Variants in SPATA20 observed in about 807,000 individuals in gnomAD.
SPATA20 encodes the protein spermatogenesis associated 20, also known as spermatogenesis-associated protein 20.
In SPATA20, 74 loss-of-function variants were observed where a neutral mutation model predicts 98.9. The observed-to-expected ratio is 0.75, with a 90% CI of 0.62 to 0.91. The LOEUF (loss-of-function observed/expected upper bound fraction) is 0.91. SPATA20 is among the 40% of genes least tolerant of loss of function. SPATA20 has a pLI of 0.00. For synonymous variants in SPATA20, 430 were observed against 440.5 expected, an observed-to-expected ratio of 0.98 and a Z score of 0.30; for missense variants, 1,016 against 1,069.8, an observed-to-expected ratio of 0.95 and a Z score of 0.70.
intron 14 of SPATA20, 85 bp downstream of exon 14, chr17:50,552,265 C>G: frequency 8.6e-7 from 1 of 1,164,542 alleles, no homozygotes; most frequent in Non-Finnish European, 1.2e-6. Context: ...AGGAGCCCTC[C>G]TGGCTTTGTG....
chr17:50,549,165 G>A lies in SPATA20; in HGVS notation c.639G>A (p.Val213=), dbSNP rs937222893. The A allele has an allele frequency of 1.4e-5, 23 of 1,602,078 alleles. No homozygotes were observed. The Admixed American group carries it at 1.7e-4, about 12-fold the overall frequency. The change falls in exon 6 of 17, where the codon GTG becomes GTA. Residue 213 remains valine, a synonymous_variant. Coordinates refer to ENST00000006658, the MANE Select transcript of SPATA20 (RefSeq NM_022827.4). The part of the protein sequence containing the change: ...DGLTRVGFRT[V]LLRIREQWKQ... ...TGACCCGAGTCGGCTTCCGCACAGT[G>A]TTGCTGAGAATACGAGAACAGGTGG...
At position 50,547,234 on chromosome 17, in the gene SPATA20, G is replaced by C. The variant is rs2034927061; in HGVS notation, c.26G>C (p.Gly9Ala). 1 of 1,410,154 alleles carries C rather than the reference G, an allele frequency of 7.1e-7. No individual in the cohort carries two copies. Among genetic ancestry groups the C allele is most frequent in the African/African-American group, 1.5e-5 (1 of 65,822 alleles). 87.4% of individuals were successfully genotyped at this position (1,410,154 alleles called of 1,614,324 possible). The change falls in exon 1 of 17, where the codon GGC becomes GCC. Residue 9 changes from glycine to alanine, a missense_variant. By Grantham distance (60) the Gly-to-Ala change is moderately conservative. Transcript: ENST00000006658. ...ATGCTGGGCGCGCGGGCCTGGTTGG[G>C]CCGCGTCCTTCTGCTGCCCCGCGCC... MLGARAWL[G>A]RVLLLPRAGA...
At chr17:50,548,227 C>A in intron 2 of SPATA20, 56 bp from the exon 3 acceptor site, 1 of 1,585,960 alleles carries the variant, frequency 6.3e-7, no homozygotes, top group Non-Finnish European at 8.6e-7. Flanking sequence ...TGCTGGGGGG[C>A]CTGGGAGAAG....
Position 50,549,325 on chromosome 17 carries a change from C to G in SPATA20, c.700C>G (p.Arg234Gly). The G allele has an allele frequency of 6.2e-7, 1 of 1,612,506 alleles. No individual in the cohort carries two copies. The highest frequency in any genetic ancestry group is 8.5e-7 in the Non-Finnish European group (1 of 1,179,898). ...GAACACCCTGCTAGAAAATAGCCAGCGTGTCACCACTGCCCTGCTGGCCCG... is the reference window on the plus strand; with the variant it reads ...GAACACCCTGCTAGAAAATAGCCAGGGTGTCACCACTGCCCTGCTGGCCCG... The part of the protein sequence containing the change: ...NKNTLLENSQ[R>G]VTTALLARSE... The change falls in exon 7 of 17, where the codon CGT (arginine) becomes GGT (glycine). Residue 234 changes from arginine (R) to glycine (G), a missense_variant. Transcript: ENST00000006658.
Position 50,549,045 on chromosome 17 carries a change from C to G in SPATA20, c.519C>G (p.Ala173=). 6.2e-7 allele frequency: 1 copy of G among 1,613,782 alleles called. No homozygotes were observed. Among genetic ancestry groups the G allele is most frequent in the South Asian group, 1.1e-5 (1 of 91,074 alleles). Residue 173 remains alanine, a splice_region_variant and synonymous_variant, in exon 6 of 17, where the codon GCC becomes GCG. Coordinates refer to ENST00000006658, the MANE Select transcript of SPATA20 (RefSeq NM_022827.4). ...VDKVYMTFVQ[A]TSSGGGWPMN... Reference sequence around the variant, plus strand: ...CACCCTCGCCCTCTCTCCGCCAGGCCACCAGCAGCGGCGGGGGCTGGCCCA... The same window carrying G: ...CACCCTCGCCCTCTCTCCGCCAGGCGACCAGCAGCGGCGGGGGCTGGCCCA...
Position 50,555,518 on chromosome 17 carries a change from C to T in SPATA20, c.2265C>T (p.Pro755=), listed in dbSNP as rs199989642. The change falls in exon 17 of 17, where the codon CCC becomes CCT. Residue 755 remains proline, a synonymous_variant. Transcript: ENST00000006658. ...TGCTGATTCTGGCTGATGGGGACCC[C>T]TCGAGCTTCCTGTCCCGCCAGCTGC... ...NKVLILADGD[P]SSFLSRQLPF... is the part of the protein sequence containing the mutation. 5.9e-5 allele frequency: 95 copies of T among 1,614,062 alleles called. No individual in the cohort carries two copies. In the East Asian group the frequency reaches 1.5e-3, roughly 26 times the overall value.
At chr17:50,549,249 C>T (rs371334659) in intron 6 of SPATA20, 37 bp from the exon 7 acceptor site, 19 of 1,602,554 alleles carry the variant, frequency 1.2e-5, no homozygotes, top group African/African-American at 4.0e-5. Flanking sequence ...AGCCCCTCCC[C>T]CTAGCTGACC....
In SPATA20 at chr17:50,554,233, C is replaced by T. The variant is rs747256479; in HGVS notation, c.1958-18C>T. The T allele has an allele frequency of 6.2e-7, 1 of 1,612,788 alleles. No homozygotes were observed. Among genetic ancestry groups the T allele is most frequent in the South Asian group, 1.1e-5 (1 of 91,056 alleles). The stretch of plus-strand genomic sequence containing the variant: ...GACCTGCCCTTACCCCCACCCCCTG[C>T]CTCCCTATGTGCTGTAGACCAGGAT... On this transcript the variant is annotated intron_variant, in intron 14 of 16. Transcript: ENST00000006658.
At chr17:50,554,833 C>T (rs2035077092) in intron 15 of SPATA20, among the ~76,000 whole-genome samples, 1 of 149,306 alleles carries the variant, frequency 6.7e-6, no homozygotes, top group East Asian at 2.0e-4. Flanking sequence ...TGCCTGCATG[C>T]GTGTGTGTCT....
chr17:50,553,636 C>T (rs1213970632), intron 14 of SPATA20, among the ~76,000 whole-genome samples: 2 of 150,976 alleles, frequency 1.3e-5, no homozygotes, highest in South Asian at 2.1e-4. Context: ...GCCTCGGCTT[C>T]CCAGGTGCTG....
At chr17:50,551,715 C>A in intron 13 of SPATA20, 36 bp downstream of exon 13, 1 of 1,566,720 alleles carries the variant, frequency 6.4e-7, no homozygotes. Context: ...GCCCGTCTCC[C>A]CAACGCGTCC....
rs3062812 is a variant in SPATA20 at position 50,554,885 on chromosome 17, CTGTGTGTG to C, written c.2158-310_2158-303del. Among the ~76,000 whole-genome samples, 1,377 of 141,510 alleles carry C rather than the reference CTGTGTGTG, an allele frequency of 9.7e-3. 16 individuals carry two copies. The highest frequency in any genetic ancestry group is 0.029 in the African/African-American group (1,165 of 39,642). The allele number at this position is 141,510 out of a possible 152,430, so 92.8% of individuals were successfully genotyped here. On this transcript the variant is annotated intron_variant, in intron 15 of 16. Coordinates refer to ENST00000006658, the MANE Select transcript of SPATA20 (RefSeq NM_022827.4). ...GTATCTGCCTCTGTGTGGGCATCTA[CTGTGTGTG>C]TGTGTGTGTGTGTGTGTGTGTGTGT...
chr17:50,550,650 G>A (rs751800559), intron 10 of SPATA20, 40 bp downstream of exon 10: 17 of 1,613,164 alleles, frequency 1.1e-5, no homozygotes, highest in Non-Finnish European at 1.4e-5. Context: ...GCTGTGGGAG[G>A]GGTTGGGGCC....
Position 50,549,975 on chromosome 17 carries a change from GCC to G in SPATA20, c.863-6_863-5del. The G allele has an allele frequency of 6.5e-7, 1 of 1,530,004 alleles. No individual in the cohort carries two copies. Among genetic ancestry groups the G allele is most frequent in the South Asian group, 1.3e-5 (1 of 79,092 alleles). 94.8% of individuals were successfully genotyped at this position (1,530,004 alleles called of 1,614,324 possible). On this transcript the variant is annotated splice_polypyrimidine_tract_variant and splice_region_variant and intron_variant, in intron 7 of 16. Coordinates refer to ENST00000006658, the MANE Select transcript of SPATA20 (RefSeq NM_022827.4). ...ATTCTCTCACCTGCATGTTCTTGGT[GCC>G]CCCACAGTGATCCTGAGCTTCCTGT... is the stretch of plus-strand genomic sequence containing the variant.
At chr17:50,554,180 A>G (rs2035056936) in intron 14 of SPATA20, 71 bp from the exon 15 acceptor site, 1 of 1,419,844 alleles carries the variant, frequency 7.0e-7, no homozygotes, top group Non-Finnish European at 9.8e-7. Flanking sequence ...CCCTGGATAC[A>G]GTCCTGGGCA....
At chr17:50,552,901 G>C (rs1364784575) in intron 14 of SPATA20, among the ~76,000 whole-genome samples, 1 of 152,146 alleles carries the variant, frequency 6.6e-6, no homozygotes, top group African/African-American at 2.4e-5. Context: ...TACCTTACAG[G>C]GTTGATGTAA....
intron 14 of SPATA20, 28 bp from the exon 15 acceptor site, chr17:50,554,223 C>T: frequency 1.2e-6 from 2 of 1,610,304 alleles, no homozygotes; most frequent in Non-Finnish European, 1.7e-6. Flanking sequence ...GCCCTTACCC[C>T]CACCCCCTGC....
Position 50,548,318 on chromosome 17 carries a change from C to T in SPATA20, c.161C>T (p.Thr54Met), listed in dbSNP as rs200398203. 1,221 of 1,613,792 alleles carry T rather than the reference C, an allele frequency of 7.6e-4. 1 individual carries two copies. Among genetic ancestry groups the T allele is most frequent in the Non-Finnish European group, 7.3e-4 (867 of 1,179,934 alleles). Residue 54 changes from threonine (T) to methionine (M), a missense_variant, in exon 3 of 17, where the codon ACG becomes ATG. Transcript: ENST00000006658. The stretch of plus-strand genomic sequence containing the variant: ...TCCCGGGACAAGGACCGAAGTGCGA[C>T]GGTCAGTAGTTCAGTGCCCATGCCT... ...SSSRDKDRSA[T>M]VSSSVPMPAG...
intron 15 of SPATA20, 103 bp from the exon 16 acceptor site, chr17:50,555,129 A>C: frequency 7.1e-5 from 61 of 864,842 alleles, no homozygotes; most frequent in Non-Finnish European, 1.1e-4. Flanking sequence ...GTTCCTTCTT[A>C]GAGATATACG....
Sources: gnomAD v4.1 joint callset for allele counts (sites outside exome capture counted in the v4.1 genomes callset) on GRCh38, gnomAD v4.1.1 for gene constraint, MANE v1.5 for transcripts, NCBI Gene and HGNC (gene_info 2026-07-23, HGNC 2026-07-21) for gene names.